The following GRIK3 variants were observed in gnomAD, a reference collection of about 807,000 sequenced individuals.
GRIK3 encodes the protein glutamate receptor ionotropic, kainate 3.
In GRIK3, 29 loss-of-function variants were observed where a neutral mutation model predicts 102.5. The observed-to-expected ratio is 0.28, with a 90% CI of 0.21 to 0.39. The LOEUF (loss-of-function observed/expected upper bound fraction) is 0.39, where lower values mean the gene tolerates loss of function less well. Ranked by LOEUF, GRIK3 falls within the 10% of genes least tolerant of loss-of-function variation. GRIK3 has a pLI of 1.00. For synonymous variants in GRIK3, 511 were observed against 504.9 expected, an observed-to-expected ratio of 1.01 and a Z score of -0.16; for missense variants, 908 against 1,252.4, an observed-to-expected ratio of 0.73 and a Z score of 4.15.
chr1:36,911,429 T>G (rs924365354), intron 1 of GRIK3, among the ~76,000 whole-genome samples: 3 of 152,196 alleles, frequency 2.0e-5, no homozygotes, highest in Non-Finnish European at 4.4e-5. Flanking sequence ...ATAAATCACC[T>G]AAAGCACATT....
intron 13 of GRIK3, among the ~76,000 whole-genome samples, chr1:36,814,563 C>T (rs147616589): frequency 6.5e-4 from 93 of 143,460 alleles, no homozygotes; most frequent in African/African-American, 2.4e-3. Flanking sequence ...ATTATACACA[C>T]ATACATCCAG....
chr1:36,921,843 G>T (rs1341692149), intron 1 of GRIK3, among the ~76,000 whole-genome samples: 2 of 152,142 alleles, frequency 1.3e-5, no homozygotes, highest in Non-Finnish European at 2.9e-5. Flanking sequence ...TGTCCTGAGG[G>T]TGTCTCACCT....
intron 1 of GRIK3, among the ~76,000 whole-genome samples, chr1:36,968,587 T>C (rs1232508571): frequency 3.9e-5 from 6 of 152,176 alleles, no homozygotes; most frequent in African/African-American, 1.4e-4. Context: ...CCTCCACCTC[T>C]CTCACATGCA....
chr1:37,029,320 G>A (rs1216054406), intron 1 of GRIK3, among the ~76,000 whole-genome samples: 1 of 152,222 alleles, frequency 6.6e-6, no homozygotes, highest in East Asian at 1.9e-4. Flanking sequence ...CCCTGCTCCT[G>A]CAACATTGGT....
chr1:37,026,263 C>T (rs534054536), intron 1 of GRIK3, among the ~76,000 whole-genome samples: 1 of 152,352 alleles, frequency 6.6e-6, no homozygotes, highest in African/African-American at 2.4e-5. Flanking sequence ...TGTCTGGGAG[C>T]TGACATTATG....
chr1:36,901,057 A>G (rs1641228253), intron 1 of GRIK3, among the ~76,000 whole-genome samples: 1 of 152,244 alleles, frequency 6.6e-6, no homozygotes, highest in Non-Finnish European at 1.5e-5. Flanking sequence ...AACCTTACAA[A>G]GCAGAAATCA....
chr1:36,921,849 C>G (rs1217658334), intron 1 of GRIK3, among the ~76,000 whole-genome samples: 1 of 152,128 alleles, frequency 6.6e-6, no homozygotes, highest in Admixed American at 6.5e-5. Context: ...GAGGGTGTCT[C>G]ACCTGCCCTG....
At chr1:36,953,060 A>T (rs1260440680) in intron 1 of GRIK3, among the ~76,000 whole-genome samples, 1 of 152,188 alleles carries the variant, frequency 6.6e-6, no homozygotes, top group Non-Finnish European at 1.5e-5. Flanking sequence ...AGGAGGAGGA[A>T]GAGACTGTGC....
rs76660733 is a variant in GRIK3, at chr1:36,877,404, G to A, written c.550+3230C>T. 6.2e-4 allele frequency among the ~76,000 whole-genome samples: 95 copies of A among 152,216 alleles called. 2 individuals carry two copies. The South Asian group carries it at 8.7e-3, about 14-fold the overall frequency. On this transcript the variant is annotated intron_variant, in intron 3 of 15. Transcript: ENST00000373091. ...TGCTCCTGTCTGGACCAGTGCAGTCGGCTGTGCTCTAGTCTCCTTGCTCTA... is the reference window on the plus strand; with the variant it reads ...TGCTCCTGTCTGGACCAGTGCAGTCAGCTGTGCTCTAGTCTCCTTGCTCTA...
At chr1:36,999,946 G>A (rs765971125) in intron 1 of GRIK3, among the ~76,000 whole-genome samples, 3 of 151,650 alleles carry the variant, frequency 2.0e-5, no homozygotes, top group East Asian at 3.9e-4. Flanking sequence ...GTAGTGAGCC[G>A]AGATCACACC....
chr1:36,853,520 G>A, intron 8 of GRIK3, 95 bp downstream of exon 8: 1 of 788,978 alleles, frequency 1.3e-6, no homozygotes, highest in Non-Finnish European at 2.2e-6. Context: ...ACTGTGTCTT[G>A]CCCCTTGCCT....
At chr1:36,871,671 C>G (rs1388321400) in intron 4 of GRIK3, among the ~76,000 whole-genome samples, 1 of 152,226 alleles carries the variant, frequency 6.6e-6, no homozygotes, top group African/African-American at 2.4e-5. Flanking sequence ...TCTCCTCCCC[C>G]TCTGTCACTG....
intron 10 of GRIK3, among the ~76,000 whole-genome samples, chr1:36,831,684 A>G (rs1020488273): frequency 6.6e-6 from 1 of 152,226 alleles, no homozygotes; most frequent in African/African-American, 2.4e-5. Context: ...GCACTGCCCA[A>G]TATGGCAACT....
At chr1:36,964,408 C>A (rs1189151780) in intron 1 of GRIK3, among the ~76,000 whole-genome samples, 1 of 152,130 alleles carries the variant, frequency 6.6e-6, no homozygotes, top group Non-Finnish European at 1.5e-5. Context: ...CAGGGGTGGC[C>A]TCCACACAGT....
At chr1:36,927,349 A>G (rs1231176163) in intron 1 of GRIK3, among the ~76,000 whole-genome samples, 1 of 152,222 alleles carries the variant, frequency 6.6e-6, no homozygotes, top group Admixed American at 6.5e-5. Flanking sequence ...AGCAAATGCA[A>G]TTCAACAAAT....
chr1:36,976,108 C>G (rs1301469647), intron 1 of GRIK3, among the ~76,000 whole-genome samples: 1 of 152,142 alleles, frequency 6.6e-6, no homozygotes, highest in Non-Finnish European at 1.5e-5. Context: ...TGCTTGGCTA[C>G]AGCAGGGGAT....
intron 8 of GRIK3, among the ~76,000 whole-genome samples, chr1:36,852,110 G>A (rs555690600): frequency 1.1e-3 from 160 of 152,308 alleles, no homozygotes; most frequent in Non-Finnish European, 1.7e-3. Flanking sequence ...TTTGTGTAGG[G>A]TTGAGCAAAC....
At chr1:36,953,390 G>C (rs1383236590) in intron 1 of GRIK3, among the ~76,000 whole-genome samples, 2 of 152,176 alleles carry the variant, frequency 1.3e-5, no homozygotes, top group African/African-American at 4.8e-5. Flanking sequence ...AAAGGAGTTA[G>C]TGTGCCAAGT....
At chr1:36,970,346 A>G (rs926829264) in intron 1 of GRIK3, among the ~76,000 whole-genome samples, 1 of 152,160 alleles carries the variant, frequency 6.6e-6, no homozygotes, top group Middle Eastern at 3.2e-3. Context: ...CCCTCAGGAA[A>G]TTCCTTAAAC....
Sources: allele counts gnomAD v4.1 joint callset (sites outside exome capture counted in the v4.1 genomes callset), GRCh38; gene constraint gnomAD v4.1.1; transcripts MANE v1.5; gene names NCBI Gene and HGNC (gene_info 2026-07-23, HGNC 2026-07-21).